Variants in RGS10 observed in about 807,000 individuals in gnomAD.
The protein encoded by RGS10 is regulator of G-protein signalling 10.
In RGS10, 11 loss-of-function variants were observed where a neutral mutation model predicts 23.5. The ratio of observed to expected loss-of-function variants is 0.47; its 90% CI spans 0.29 to 0.77. The LOEUF is 0.77. Among genes scored for constraint, RGS10 ranks in the 30% least tolerant of loss-of-function variants. The pLI, the probability that RGS10 is intolerant of heterozygous loss-of-function variation, is 0.08. For synonymous variants in RGS10, 77 were observed against 83.2 expected, an observed-to-expected ratio of 0.92 and a Z score of 0.41; for missense variants, 180 against 226.3, an observed-to-expected ratio of 0.80 and a Z score of 1.31.
At chr10:119,506,890 G>A (rs1372417955) in intron 4 of RGS10, among the ~76,000 whole-genome samples, 4 of 152,008 alleles carry the variant, frequency 2.6e-5, no homozygotes, top group African/African-American at 4.8e-5. Flanking sequence ...TAGTAGAGAC[G>A]GGGTTTCACC....
intron 4 of RGS10, among the ~76,000 whole-genome samples, chr10:119,514,415 T>G (rs1039630351): frequency 1.3e-5 from 2 of 151,780 alleles, no homozygotes; most frequent in African/African-American, 4.8e-5. Context: ...CACAGTACTT[T>G]GGGAGGCCAA....
intron 1 of RGS10, among the ~76,000 whole-genome samples, chr10:119,541,940 G>T (rs1412993134): frequency 6.6e-6 from 1 of 152,246 alleles, no homozygotes; most frequent in African/African-American, 2.4e-5. Flanking sequence ...CACCTTCACC[G>T]TGGGGTCTTT....
intron 3 of RGS10, among the ~76,000 whole-genome samples, chr10:119,523,155 G>A (rs997424273): frequency 5.3e-5 from 8 of 151,902 alleles, no homozygotes; most frequent in Admixed American, 6.6e-5. Flanking sequence ...GCCCAGCCTC[G>A]GGCGAGCTGC....
chr10:119,525,390 A>G (rs923134943), intron 3 of RGS10, among the ~76,000 whole-genome samples: 6 of 152,278 alleles, frequency 3.9e-5, no homozygotes, highest in African/African-American at 1.4e-4. Flanking sequence ...AGCCTCCTTC[A>G]TTCACATGAC....
intron 3 of RGS10, among the ~76,000 whole-genome samples, chr10:119,519,371 C>T (rs1455978404): frequency 3.5e-5 from 5 of 142,592 alleles, no homozygotes; most frequent in Non-Finnish European, 3.0e-5. Context: ...CCCCCAGCTC[C>T]TGTCTCCCTG....
intron 1 of RGS10, among the ~76,000 whole-genome samples, chr10:119,537,867 G>A (rs1406897449): frequency 2.0e-5 from 3 of 152,264 alleles, no homozygotes; most frequent in South Asian, 4.1e-4. Context: ...GTTTCTTTAC[G>A]TGGGGCACAG....
intron 4 of RGS10, among the ~76,000 whole-genome samples, chr10:119,506,238 A>C (rs971705858): frequency 2.0e-5 from 3 of 152,224 alleles, no homozygotes; most frequent in African/African-American, 7.2e-5. Flanking sequence ...TCAAGTGGGA[A>C]CGGGCTGCAC....
In RGS10 at chr10:119,542,609, G is replaced by A; in HGVS notation, c.30C>T (p.Ser10=). 7.0e-7 allele frequency: 1 copy of A among 1,425,646 alleles called. No homozygotes were observed. Among genetic ancestry groups the A allele is most frequent in the Non-Finnish European group, 9.2e-7 (1 of 1,086,942 alleles). 88.3% of individuals were successfully genotyped at this position (1,425,646 alleles called of 1,614,324 possible). The change falls in exon 1 of 5, where the codon AGC becomes AGT. Residue 10 remains serine, a synonymous_variant. Transcript: ENST00000369103. ...GCTTACCTGACGGCGGCCGCTTCCT[G>A]CTCAGCCGGCTCACGGCGCGGTTGA... MFNRAVSRL[S]RKRPPSDIHD...
chr10:119,540,395 C>T (rs1275487979), intron 1 of RGS10, among the ~76,000 whole-genome samples: 1 of 152,160 alleles, frequency 6.6e-6, no homozygotes, highest in Non-Finnish European at 1.5e-5. Flanking sequence ...GGACTACAGG[C>T]ACGCATCACC....
chr10:119,515,397 C>A lies in RGS10; in HGVS notation c.399+112G>T, dbSNP rs1279678893. On this transcript the variant is annotated intron_variant, in intron 4 of 4. Coordinates refer to ENST00000369103, the MANE Select transcript of RGS10 (RefSeq NM_001005339.2). ...CCTCAGTGTACCTCGGTCTGCCCGG[C>A]CGTATGAGATGGTTTCCAGGGAGTC... 3.8e-6 allele frequency: 5 copies of A among 1,314,356 alleles called. No individual in the cohort carries two copies. In the African/African-American group the frequency reaches 4.4e-5, roughly 11 times the overall value. 81.4% of individuals were successfully genotyped at this position (1,314,356 alleles called of 1,614,324 possible).
intron 1 of RGS10, among the ~76,000 whole-genome samples, chr10:119,536,284 C>T (rs1314556872): frequency 1.3e-5 from 2 of 152,198 alleles, no homozygotes; most frequent in African/African-American, 2.4e-5. Context: ...GAAAGGGCAT[C>T]GTGGCGTTTT....
chr10:119,515,099 G>A (rs1179991116), intron 4 of RGS10, among the ~76,000 whole-genome samples: 1 of 152,160 alleles, frequency 6.6e-6, no homozygotes, highest in African/African-American at 2.4e-5. Flanking sequence ...AGTATGTGGA[G>A]GTGTCTGGAT....
intron 1 of RGS10, among the ~76,000 whole-genome samples, chr10:119,531,394 C>T (rs1024082902): frequency 6.6e-6 from 1 of 152,134 alleles, no homozygotes; most frequent in Admixed American, 6.6e-5. Context: ...ATAAACCAGA[C>T]CATGTTTGGG....
At chr10:119,520,046 G>T (rs531029258) in intron 3 of RGS10, among the ~76,000 whole-genome samples, 2 of 152,218 alleles carry the variant, frequency 1.3e-5, no homozygotes, top group South Asian at 4.1e-4. Context: ...TGGAAACTTC[G>T]ATCCCCTGTA....
At chr10:119,523,716 G>A (rs1034114736) in intron 3 of RGS10, among the ~76,000 whole-genome samples, 1 of 152,194 alleles carries the variant, frequency 6.6e-6, no homozygotes, top group Non-Finnish European at 1.5e-5. Context: ...GGCATGGAAA[G>A]GGGCTGCCCA....
intron 3 of RGS10, among the ~76,000 whole-genome samples, chr10:119,518,815 C>T (rs1173111960): frequency 6.6e-6 from 1 of 152,038 alleles, no homozygotes; most frequent in East Asian, 1.9e-4. Flanking sequence ...AGCAATTCTC[C>T]TGCTTCAACC....
rs369268639 is a variant in RGS10, at chr10:119,500,099, G to A, written c.*14C>T. 23 of 1,609,634 alleles carry A rather than the reference G, an allele frequency of 1.4e-5. No individual in the cohort carries two copies. Among genetic ancestry groups the A allele is most frequent in the African/African-American group, 8.0e-5 (6 of 74,578 alleles). On this transcript the variant is annotated 3_prime_UTR_variant, in exon 5 of 5. Coordinates refer to ENST00000369103, the MANE Select transcript of RGS10 (RefSeq NM_001005339.2). Reference sequence around the variant, plus strand: ...TTTGCTTCTTAAAGCTGCCAGTCCCGGCTTTTTGGGGGCTCATGTGTTATA... The same window carrying A: ...TTTGCTTCTTAAAGCTGCCAGTCCCAGCTTTTTGGGGGCTCATGTGTTATA...
chr10:119,524,772 G>A lies in RGS10; in HGVS notation c.255+1260C>T, dbSNP rs1250152533. ...AGGGTCCCGCCCAGTAACAGCTTTCGAGGTGGGCCTGGGAAGTTCAAGCCA... is the reference window on the plus strand; with the variant it reads ...AGGGTCCCGCCCAGTAACAGCTTTCAAGGTGGGCCTGGGAAGTTCAAGCCA... On this transcript the variant is annotated intron_variant, in intron 3 of 4. Transcript: ENST00000369103. This position sits in a 1 kb window ranked among gnomAD's most constrained non-coding sequence, Gnocchi z 5.2. Among the ~76,000 whole-genome samples, 2 of 152,164 alleles carry A rather than the reference G, an allele frequency of 1.3e-5. No individual in the cohort carries two copies. The highest frequency in any genetic ancestry group is 1.9e-4 in the East Asian group (1 of 5,188).
intron 1 of RGS10, among the ~76,000 whole-genome samples, chr10:119,533,038 T>TC (rs1554858829): frequency 3.3e-4 from 7 of 21,162 alleles, no homozygotes; most frequent in Admixed American, 2.9e-3. Flanking sequence ...AGACGCTGTC[T>TC]CAAAAAAAAA....
Sources: allele counts gnomAD v4.1 joint callset (sites outside exome capture counted in the v4.1 genomes callset), GRCh38; gene constraint gnomAD v4.1.1; non-coding constraint Gnocchi (gnomAD v3.1); transcripts MANE v1.5; gene names NCBI Gene and HGNC (gene_info 2026-07-23, HGNC 2026-07-21).